Variants in TP53BP2 observed in about 807,000 individuals in gnomAD.
TP53BP2 encodes tumor protein p53 binding protein 2.
A neutral mutation model predicts 126.2 loss-of-function variants in TP53BP2; 62 were observed. That is an observed-to-expected ratio of 0.49 (90% CI 0.40 to 0.61). The LOEUF is 0.61. Ranked by LOEUF, TP53BP2 falls within the 20% of genes least tolerant of loss-of-function variation. TP53BP2 has a pLI of 0.00. For synonymous variants in TP53BP2, 485 were observed against 502.9 expected (o/e 0.96, Z 0.48); for missense variants, 1,215 against 1,402.8 (o/e 0.87, Z 2.14).
At chr1:223,812,246 C>A (rs776520405) in intron 3 of TP53BP2, among the ~76,000 whole-genome samples, 2 of 152,186 alleles carry the variant, frequency 1.3e-5, no homozygotes, top group Non-Finnish European at 2.9e-5. Flanking sequence ...TAAGTATCAG[C>A]ATTTCTCATC....
At chr1:223,814,870 A>G (rs1458275426) in intron 2 of TP53BP2, among the ~76,000 whole-genome samples, 3 of 152,192 alleles carry the variant, frequency 2.0e-5, no homozygotes, top group Non-Finnish European at 4.4e-5. Context: ...TTTCCAAATA[A>G]AAGTCTATTT....
intron 17 of TP53BP2, among the ~76,000 whole-genome samples, chr1:223,783,563 G>A (rs767389604): frequency 6.6e-5 from 10 of 152,266 alleles, no homozygotes; most frequent in Non-Finnish European, 1.5e-4. Context: ...GCAAAGCCCT[G>A]GAATCTGTTA....
chr1:223,821,973 C>T (rs1663329087), intron 1 of TP53BP2, among the ~76,000 whole-genome samples: 1 of 151,918 alleles, frequency 6.6e-6, no homozygotes, highest in Non-Finnish European at 1.5e-5. Flanking sequence ...CTCACTGCAA[C>T]ATCCGCCTCC....
intron 1 of TP53BP2, among the ~76,000 whole-genome samples, chr1:223,832,684 C>T (rs954364010): frequency 2.0e-5 from 3 of 152,174 alleles, no homozygotes; most frequent in South Asian, 2.1e-4. Flanking sequence ...AAGGAGATGC[C>T]GACCCTTCCA....
At chr1:223,795,588 A>G (rs1662288989) in intron 13 of TP53BP2, among the ~76,000 whole-genome samples, 2 of 152,178 alleles carry the variant, frequency 1.3e-5, no homozygotes, top group Non-Finnish European at 2.9e-5. Context: ...GTTTATAGGG[A>G]TAAGAACAAA....
At chr1:223,837,342 C>A (rs1663957303) in intron 1 of TP53BP2, among the ~76,000 whole-genome samples, 1 of 152,048 alleles carries the variant, frequency 6.6e-6, no homozygotes, top group African/African-American at 2.4e-5. Flanking sequence ...TTTCTCAAGC[C>A]TAAATTTAAA....
At chr1:223,845,030 G>A (rs921646409) in intron 1 of TP53BP2, among the ~76,000 whole-genome samples, 1 of 152,214 alleles carries the variant, frequency 6.6e-6, no homozygotes, top group African/African-American at 2.4e-5. Context: ...AAAGCCTGCG[G>A]AGCTCCTAAA....
Position 223,784,335 on chromosome 1 carries a change from T to C in TP53BP2, c.3164-21A>G, listed in dbSNP as rs1429125482. 4 of 1,611,812 alleles carry C rather than the reference T, an allele frequency of 2.5e-6. No individual in the cohort carries two copies. The South Asian group carries it at 3.3e-5, about 13-fold the overall frequency. ...AACTCCTAAAATCATGACAGTAAGATAAAGCACAGAATATACAACTTGGAG... is the reference window on the plus strand; with the variant it reads ...AACTCCTAAAATCATGACAGTAAGACAAAGCACAGAATATACAACTTGGAG... On this transcript the variant is annotated intron_variant, in intron 16 of 17. Coordinates refer to ENST00000343537, the MANE Select transcript of TP53BP2 (RefSeq NM_001031685.3).
At chr1:223,801,289 C>T (rs1213029626) in intron 9 of TP53BP2, among the ~76,000 whole-genome samples, 1 of 152,156 alleles carries the variant, frequency 6.6e-6, no homozygotes, top group Non-Finnish European at 1.5e-5. Flanking sequence ...TTCATTTTTC[C>T]TTACAGAAAC....
chr1:223,816,307 G>A (rs1296807366), intron 2 of TP53BP2, among the ~76,000 whole-genome samples: 1 of 152,178 alleles, frequency 6.6e-6, no homozygotes, highest in African/African-American at 2.4e-5. Flanking sequence ...AGTGGGTAGT[G>A]AGGAAATGCA....
intron 15 of TP53BP2, 82 bp downstream of exon 15, chr1:223,792,307 G>A: frequency 6.8e-7 from 1 of 1,461,372 alleles, no homozygotes. Context: ...ATACTTCTTT[G>A]TCTTCCAACA....
intron 3 of TP53BP2, among the ~76,000 whole-genome samples, chr1:223,813,377 G>A (rs1662980253): frequency 6.6e-6 from 1 of 151,994 alleles, no homozygotes; most frequent in Admixed American, 6.5e-5. Flanking sequence ...TCTGTTTTTT[G>A]ACCACTATTT....
chr1:223,782,576 A>T (rs899992601), intron 17 of TP53BP2, among the ~76,000 whole-genome samples: 2 of 152,100 alleles, frequency 1.3e-5, no homozygotes, highest in Non-Finnish European at 2.9e-5. Context: ...TCTGCCTCCC[A>T]GGCTCAACCG....
At chr1:223,845,562 C>A in intron 1 of TP53BP2, 92 bp downstream of exon 1, 2 of 1,371,144 alleles carry the variant, frequency 1.5e-6, no homozygotes, top group South Asian at 2.9e-5. Context: ...CCCCCAGGCT[C>A]CTTCCCCGAC....
chr1:223,843,490 A>C (rs1161051935), intron 1 of TP53BP2, among the ~76,000 whole-genome samples: 2 of 152,208 alleles, frequency 1.3e-5, no homozygotes, highest in Non-Finnish European at 2.9e-5. Flanking sequence ...TTTTAATATA[A>C]TGCAGTCTAA....
Position 223,784,225 on chromosome 1 carries a change from T to A in TP53BP2, c.3253A>T (p.Lys1085Ter). The part of the protein sequence containing the change: ...EPQNDDELPM[K>*]EGDCMTIIHR... Reference sequence around the variant, plus strand: ...ATGATTGTCATGCAGTCTCCTTCTTTCATGGGCAGCTCATCATCATTCTGA... The same window carrying A: ...ATGATTGTCATGCAGTCTCCTTCTTACATGGGCAGCTCATCATCATTCTGA... The change falls in exon 17 of 18, where the codon AAA (lysine) becomes TAA (stop). Residue 1085 changes from lysine to a stop codon, truncating the protein, a stop_gained. Transcript: ENST00000343537. LOFTEE classifies it high-confidence loss of function. 6.2e-7 allele frequency: 1 copy of A among 1,614,206 alleles called. No individual in the cohort carries two copies. Among genetic ancestry groups the A allele is most frequent in the Non-Finnish European group, 8.5e-7 (1 of 1,180,040 alleles).
intron 7 of TP53BP2, 48 bp downstream of exon 7, chr1:223,803,223 T>C (rs1454310903): frequency 6.5e-7 from 1 of 1,550,220 alleles, no homozygotes. Context: ...AGCAACTCTG[T>C]TTCTGGAAAG....
chr1:223,823,568 T>C lies in TP53BP2; in HGVS notation c.28-2201A>G, dbSNP rs1253398851. On this transcript the variant is annotated intron_variant, in intron 1 of 17. Coordinates refer to ENST00000343537, the MANE Select transcript of TP53BP2 (RefSeq NM_001031685.3). Reference sequence around the variant, plus strand: ...AGCTCAAAAGCTCTCAAGCTAATTATCTCAGGCTTTTCACATTTTGACTAC... The same window carrying C: ...AGCTCAAAAGCTCTCAAGCTAATTACCTCAGGCTTTTCACATTTTGACTAC... 2.6e-5 allele frequency among the ~76,000 whole-genome samples: 4 copies of C among 152,248 alleles called. No homozygotes were observed. The East Asian group carries it at 7.7e-4, about 29-fold the overall frequency.
At chr1:223,781,840 G>A (rs973117204) in intron 17 of TP53BP2, among the ~76,000 whole-genome samples, 10 of 151,938 alleles carry the variant, frequency 6.6e-5, no homozygotes, top group Non-Finnish European at 1.5e-4. Context: ...CCAAAAAAGT[G>A]GTGTAGAGGA....
Sources: allele counts gnomAD v4.1 joint callset (sites outside exome capture counted in the v4.1 genomes callset), GRCh38; gene constraint gnomAD v4.1.1; transcripts MANE v1.5; gene names NCBI Gene and HGNC (gene_info 2026-07-23, HGNC 2026-07-21).